The following OTUD7A variants were observed in gnomAD, a reference collection of about 807,000 sequenced individuals.
OTUD7A encodes the protein OTU domain-containing protein 7A.
OTUD7A carries 12 observed loss-of-function variants against 65.7 expected under a neutral mutation model. That is an observed-to-expected ratio of 0.18 (90% confidence interval 0.12 to 0.30). The LOEUF (loss-of-function observed/expected upper bound fraction) is 0.30, where lower values mean the gene tolerates loss of function less well. Ranked by LOEUF, OTUD7A falls within the 10% of genes least tolerant of loss-of-function variation. The pLI, the probability that OTUD7A is intolerant of heterozygous loss-of-function variation, is 1.00. For synonymous variants in OTUD7A, 641 were observed against 586.3 expected, an observed-to-expected ratio of 1.09 and a Z score of -1.35; for missense variants, 1,148 against 1,304.8, an observed-to-expected ratio of 0.88 and a Z score of 1.85.
chr15:31,631,539 A>G (rs1421081967), intron 3 of OTUD7A, among the ~76,000 whole-genome samples: 3 of 152,020 alleles, frequency 2.0e-5, no homozygotes, highest in Non-Finnish European at 4.4e-5. Context: ...CTGCATTTCA[A>G]CTTTGGTGAA....
chr15:31,623,329 C>T (rs2141239636), intron 3 of OTUD7A, among the ~76,000 whole-genome samples: 1 of 152,356 alleles, frequency 6.6e-6, no homozygotes, highest in South Asian at 2.1e-4. Flanking sequence ...GAGGTTTGTG[C>T]TGCCTTTTGT....
chr15:31,656,966 G>T lies in OTUD7A; in HGVS notation c.-5+17C>A, dbSNP rs7496896. The T allele has an allele frequency of 0.11, 17,480 of 152,680 alleles. 2,775 individuals are homozygous for T. The highest frequency in any genetic ancestry group is 0.36 in the African/African-American group (14,873 of 41,456). 9.5% of individuals were successfully genotyped at this position (152,680 alleles called of 1,614,324 possible). A position where few individuals can be genotyped will look rare whatever the true frequency, so the allele number is the denominator to read the frequency against. On this transcript the variant is annotated intron_variant, in intron 2 of 12. Transcript: ENST00000307050. ...ATTTTTAGTTGATGCGGCCAGAAAA[G>T]AAGAAAATTATTTGACCTGATGTAT...
intron 1 of OTUD7A, among the ~76,000 whole-genome samples, chr15:31,827,816 A>G (rs1197517961): frequency 2.7e-5 from 4 of 145,858 alleles, no homozygotes; most frequent in Non-Finnish European, 6.0e-5. Flanking sequence ...AATCCCAGCT[A>G]CTCAGGAGAC....
chr15:31,509,649 T>G (rs2041647165), intron 8 of OTUD7A, among the ~76,000 whole-genome samples: 1 of 152,142 alleles, frequency 6.6e-6, no homozygotes, highest in Admixed American at 6.5e-5. Context: ...TTATGTCTTT[T>G]TGTAATTTTA....
intron 1 of OTUD7A, among the ~76,000 whole-genome samples, chr15:31,661,963 G>C (rs1892177516): frequency 6.6e-6 from 1 of 151,914 alleles, no homozygotes; most frequent in African/African-American, 2.4e-5. Context: ...GGCTTTTACT[G>C]ATTGCTCCTA....
chr15:31,808,137 A>ACACACAC (rs1555420102), intron 1 of OTUD7A, among the ~76,000 whole-genome samples: 1 of 91,468 alleles, frequency 1.1e-5, no homozygotes, highest in African/African-American at 3.8e-5. Context: ...ACACACACAC[A>ACACACAC]AACAAATCCT....
intron 1 of OTUD7A, among the ~76,000 whole-genome samples, chr15:31,799,880 G>A (rs1168504209): frequency 6.6e-6 from 1 of 152,120 alleles, no homozygotes; most frequent in African/African-American, 2.4e-5. Context: ...ACAGAAGGCT[G>A]AAGATACGGG....
In OTUD7A at chr15:31,477,172, T is replaced by G. The variant is rs1444884637; in HGVS notation, c.*6122A>C. ...GGTTAATGTTTGTGACAAGCTCCTC[T>G]TCCTCTGCAGCCTTGCTTTGGTGGC... On this transcript the variant is annotated 3_prime_UTR_variant, in exon 13 of 13. Coordinates refer to ENST00000307050, the MANE Select transcript of OTUD7A (RefSeq NM_001382637.1). 6.6e-6 allele frequency: 1 copy of G among 152,286 alleles called. No homozygotes were observed. The highest frequency in any genetic ancestry group is 6.5e-5 in the Admixed American group (1 of 15,292). The allele number at this position is 152,286 out of a possible 1,614,324, so 9.4% of individuals were successfully genotyped here. A position where few individuals can be genotyped will look rare whatever the true frequency, so the allele number is the denominator to read the frequency against.
intron 1 of OTUD7A, among the ~76,000 whole-genome samples, chr15:31,832,062 G>A (rs1307749626): frequency 5.9e-5 from 9 of 152,200 alleles, no homozygotes; most frequent in African/African-American, 1.2e-4. Context: ...GATTTGTCAC[G>A]GCTCATCTCA....
intron 1 of OTUD7A, among the ~76,000 whole-genome samples, chr15:31,769,414 T>C (rs1252798927): frequency 2.0e-5 from 3 of 152,214 alleles, no homozygotes; most frequent in Non-Finnish European, 4.4e-5. Flanking sequence ...AGTTTTTAAA[T>C]AAAATTAAAC....
rs558322243 is a variant in OTUD7A, at chr15:31,585,959, T to C, written c.152-15762A>G. The stretch of plus-strand genomic sequence containing the variant: ...GATATATATGTTATGATACCATTCA[T>C]GCAAAATGACATATGCATGTGAATA... On this transcript the variant is annotated intron_variant, in intron 3 of 12. Coordinates refer to ENST00000307050, the MANE Select transcript of OTUD7A (RefSeq NM_001382637.1). Among the ~76,000 whole-genome samples the C allele has an allele frequency of 2.2e-4, 34 of 152,306 alleles. No homozygotes were observed. In the South Asian group the frequency reaches 6.8e-3, roughly 31 times the overall value.
At chr15:31,494,721 C>G (rs2041360074) in intron 10 of OTUD7A, among the ~76,000 whole-genome samples, 1 of 152,236 alleles carries the variant, frequency 6.6e-6, no homozygotes, top group South Asian at 2.1e-4. Flanking sequence ...GGGGTCTCCT[C>G]AGAGAGCAGA....
At chr15:31,809,765 A>T (rs1286792674) in intron 1 of OTUD7A, among the ~76,000 whole-genome samples, 1 of 152,190 alleles carries the variant, frequency 6.6e-6, no homozygotes, top group Non-Finnish European at 1.5e-5. Flanking sequence ...AGCAAGCCAC[A>T]CTCATTGGTC....
chr15:31,690,330 T>C (rs991265909), intron 1 of OTUD7A, among the ~76,000 whole-genome samples: 23 of 152,120 alleles, frequency 1.5e-4, no homozygotes, highest in African/African-American at 5.6e-4. Flanking sequence ...ATATCTCTCA[T>C]TGGTCCTTTA....
At chr15:31,770,962 A>C (rs1197056900) in intron 1 of OTUD7A, among the ~76,000 whole-genome samples, 2 of 152,204 alleles carry the variant, frequency 1.3e-5, no homozygotes, top group African/African-American at 4.8e-5. Flanking sequence ...TTGACGGTGC[A>C]AGTGTGCATG....
chr15:31,670,835 C>CA (rs907294040), intron 1 of OTUD7A, among the ~76,000 whole-genome samples: 18 of 148,742 alleles, frequency 1.2e-4, no homozygotes, highest in Non-Finnish European at 1.5e-4. Context: ...ACTAAAAATA[C>CA]AAAAAAAAAA....
At chr15:31,558,178 ACCCC>A (rs1223161677) in intron 5 of OTUD7A, 7 of 152,240 alleles carry the variant, frequency 4.6e-5, no homozygotes, top group Admixed American at 2.0e-4. Context: ...TGCCTGAGAA[ACCCC>A]CAGATATGTG....
At position 31,511,041 on chromosome 15, in the gene OTUD7A, CATGTATATCTATATGTAACATACATAT is replaced by C. The variant is rs2041708878; in HGVS notation, c.894-7250_894-7224del. Among the ~76,000 whole-genome samples the C allele has an allele frequency of 7.2e-4, 10 of 13,846 alleles. 3 individuals carry two copies. Among genetic ancestry groups the C allele is most frequent in the Middle Eastern group, 0.2 (2 of 10 alleles). The allele number at this position is 13,846 out of a possible 152,430, so 9.1% of individuals were successfully genotyped here. Reference sequence around the variant, plus strand: ...TACATGTATATCTATATGTAACATACATGTATATCTATATGTAACATACATATATATGTATATCTATATGTAACATAC... The same window carrying C: ...TACATGTATATCTATATGTAACATACATATGTATATCTATATGTAACATAC... On this transcript the variant is annotated intron_variant, in intron 8 of 12. Transcript: ENST00000307050.
At chr15:31,792,884 A>T (rs1895855770) in intron 1 of OTUD7A, among the ~76,000 whole-genome samples, 1 of 152,086 alleles carries the variant, frequency 6.6e-6, no homozygotes, top group African/African-American at 2.4e-5. Context: ...AGGGATACAG[A>T]CTAGTGGCAG....
Sources: gnomAD v4.1 joint callset for allele counts (sites outside exome capture counted in the v4.1 genomes callset) on GRCh38, gnomAD v4.1.1 for gene constraint, MANE v1.5 for transcripts, NCBI Gene and HGNC (gene_info 2026-07-23, HGNC 2026-07-21) for gene names.